PPP2R2C: variants seen among roughly 807,000 people sequenced by gnomAD.
PPP2R2C encodes protein phosphatase 2 regulatory subunit Bgamma.
A neutral mutation model predicts 45.3 loss-of-function variants in PPP2R2C; 10 were observed. The ratio of observed to expected loss-of-function variants is 0.22; its 90% CI spans 0.14 to 0.37. The LOEUF (loss-of-function observed/expected upper bound fraction) is 0.37, where lower values mean the gene tolerates loss of function less well. PPP2R2C is among the 10% of genes least tolerant of loss of function. The pLI is 1.00. For synonymous variants in PPP2R2C, 257 were observed against 245.4 expected, an observed-to-expected ratio of 1.05 and a Z score of -0.44; for missense variants, 308 against 619.7, an observed-to-expected ratio of 0.50 and a Z score of 5.34.
chr4:6,392,332 C>T (rs1379460214), intron 1 of PPP2R2C, among the ~76,000 whole-genome samples: 2 of 151,994 alleles, frequency 1.3e-5, no homozygotes, highest in Non-Finnish European at 2.9e-5. Context: ...AAAGCCCACT[C>T]TCGAATGGGA....
intron 1 of PPP2R2C, among the ~76,000 whole-genome samples, chr4:6,429,980 C>T (rs968443539): frequency 2.4e-4 from 36 of 152,194 alleles, no homozygotes; most frequent in Non-Finnish European, 4.7e-4. Flanking sequence ...CAACGTCACA[C>T]AGCACATCAG....
At chr4:6,400,945 G>A (rs1177271473) in intron 1 of PPP2R2C, among the ~76,000 whole-genome samples, 1 of 152,180 alleles carries the variant, frequency 6.6e-6, no homozygotes, top group African/African-American at 2.4e-5. Flanking sequence ...ATTTCAAGGG[G>A]TAGAAGGGCC....
chr4:6,512,341 A>G (rs1324658597), intron 2 of PPP2R2C, among the ~76,000 whole-genome samples: 4 of 54,036 alleles, frequency 7.4e-5, no homozygotes, highest in Non-Finnish European at 1.1e-4. Flanking sequence ...GGTGATGGTG[A>G]TGGTGGTGAT....
intron 1 of PPP2R2C, among the ~76,000 whole-genome samples, chr4:6,468,371 G>C (rs1220731865): frequency 1.3e-5 from 2 of 152,190 alleles, no homozygotes; most frequent in African/African-American, 4.8e-5. Flanking sequence ...GGACAACTCT[G>C]TGGGAATAAA....
At chr4:6,426,579 C>G (rs186533873) in intron 1 of PPP2R2C, among the ~76,000 whole-genome samples, 10 of 152,278 alleles carry the variant, frequency 6.6e-5, no homozygotes, top group African/African-American at 2.4e-4. Flanking sequence ...GTATTTCAGA[C>G]ACAAGCATCA....
intron 2 of PPP2R2C, among the ~76,000 whole-genome samples, chr4:6,484,463 T>A (rs2108780843): frequency 6.6e-6 from 1 of 151,938 alleles, no homozygotes; most frequent in South Asian, 2.1e-4. Context: ...TTGGCTATCC[T>A]AGGTCCTTTG....
intron 1 of PPP2R2C, among the ~76,000 whole-genome samples, chr4:6,426,154 T>A (rs2109401533): frequency 6.6e-6 from 1 of 152,294 alleles, no homozygotes; most frequent in East Asian, 1.9e-4. Context: ...ACTCAGTCCC[T>A]CTGCCCAGCC....
At chr4:6,495,897 G>C (rs184151195) in intron 2 of PPP2R2C, among the ~76,000 whole-genome samples, 1 of 152,288 alleles carries the variant, frequency 6.6e-6, no homozygotes, top group African/African-American at 2.4e-5. Context: ...ATCTTAGAGG[G>C]CTAAAATCAA....
intron 1 of PPP2R2C, among the ~76,000 whole-genome samples, chr4:6,540,392 C>T (rs116385883): frequency 0.013 from 1,957 of 152,240 alleles, 27 homozygotes; most frequent in Middle Eastern, 0.041. Context: ...GATGTTGTAG[C>T]GTGTGGCAGG....
chr4:6,497,409 A>G (rs767116487), intron 2 of PPP2R2C, among the ~76,000 whole-genome samples: 4 of 152,178 alleles, frequency 2.6e-5, no homozygotes, highest in Admixed American at 6.5e-5. Context: ...AGGATGTTCC[A>G]GACCAGTGGG....
At chr4:6,336,171 G>A (rs1360432913) in intron 6 of PPP2R2C, among the ~76,000 whole-genome samples, 1 of 152,080 alleles carries the variant, frequency 6.6e-6, no homozygotes, top group African/African-American at 2.4e-5. Flanking sequence ...AAAACTGACA[G>A]TAGGCGCCTC....
rs1376212162 is a variant in PPP2R2C at position 6,472,358 on chromosome 4, G to A, written c.-129C>T. Reference sequence around the variant, plus strand: ...GGGCGCGGGCCGCCGGGGCCCCGAAGGGAGGGCATCGCGGCAGGGGGACGG... The same window carrying A: ...GGGCGCGGGCCGCCGGGGCCCCGAAAGGAGGGCATCGCGGCAGGGGGACGG... On this transcript the variant is annotated 5_prime_UTR_variant, in exon 1 of 9. Transcript: ENST00000382599. 8.4e-7 allele frequency: 1 copy of A among 1,195,608 alleles called. No homozygotes were observed. The highest frequency in any genetic ancestry group is 1.0e-6 in the Non-Finnish European group (1 of 962,980). 74.1% of individuals were successfully genotyped at this position (1,195,608 alleles called of 1,614,324 possible).
chr4:6,375,660 G>C (rs934829848), intron 4 of PPP2R2C, among the ~76,000 whole-genome samples, 159 bp downstream of exon 4: 2 of 152,224 alleles, frequency 1.3e-5, no homozygotes, highest in Non-Finnish European at 1.5e-5. Flanking sequence ...TGAGGAAACT[G>C]AGGCAAGGGG....
At chr4:6,360,437 C>A (rs932001302) in intron 5 of PPP2R2C, among the ~76,000 whole-genome samples, 4 of 152,170 alleles carry the variant, frequency 2.6e-5, no homozygotes, top group Admixed American at 1.3e-4. Flanking sequence ...TTGGGCTCCA[C>A]CGATTTCACC....
At chr4:6,382,473 A>G (rs372830995) in intron 1 of PPP2R2C, 108 of 1,351,882 alleles carry the variant, frequency 8.0e-5, no homozygotes, top group Non-Finnish European at 1.0e-4. Flanking sequence ...GAGCCAGTGC[A>G]TCCCTGTGTC....
chr4:6,530,448 G>A (rs75814975), intron 2 of PPP2R2C, among the ~76,000 whole-genome samples: 4,161 of 152,180 alleles, frequency 0.027, 189 homozygotes, highest in African/African-American at 0.095. Flanking sequence ...CCCGGGAGGC[G>A]CTGCTTTGGG....
At chr4:6,498,190 G>A (rs1400841935) in intron 2 of PPP2R2C, among the ~76,000 whole-genome samples, 2 of 152,178 alleles carry the variant, frequency 1.3e-5, no homozygotes, top group African/African-American at 2.4e-5. Context: ...CAAGGAATAC[G>A]AAATGAAGGA....
At chr4:6,414,818 C>A (rs1436002637) in intron 1 of PPP2R2C, among the ~76,000 whole-genome samples, 1 of 152,128 alleles carries the variant, frequency 6.6e-6, no homozygotes, top group African/African-American at 2.4e-5. Flanking sequence ...TTGCCTAACC[C>A]CTCTGAGCTT....
intron 2 of PPP2R2C, among the ~76,000 whole-genome samples, chr4:6,488,252 C>T (rs561371225): frequency 1.3e-5 from 2 of 152,290 alleles, no homozygotes; most frequent in South Asian, 2.1e-4. Context: ...TTTGCATTTT[C>T]CTGCTTCATT....
Sources: gnomAD v4.1 joint callset for allele counts (sites outside exome capture counted in the v4.1 genomes callset) on GRCh38, gnomAD v4.1.1 for gene constraint, MANE v1.5 for transcripts, NCBI Gene and HGNC (gene_info 2026-07-23, HGNC 2026-07-21) for gene names.